Variants in EDA observed in about 807,000 individuals in gnomAD.
The protein encoded by EDA is ectodysplasin A, also known as ectodysplasin-A.
Under a neutral mutation model 23.6 loss-of-function variants are expected in EDA, and 2 were observed. The observed-to-expected ratio is 0.08, with a 90% confidence interval of 0.03 to 0.27. EDA has a LOEUF of 0.27. Among genes scored for constraint, EDA ranks in the 10% least tolerant of loss-of-function variants. The pLI, the probability that EDA is intolerant of heterozygous loss-of-function variation, is 1.00. For missense variants in EDA, 229 were observed against 324.2 expected (o/e 0.71, Z 2.26); for synonymous variants, 131 against 132.0 (o/e 0.99, Z 0.05).
intron 1 of EDA, among the ~76,000 whole-genome samples, chrX:69,641,084 A>G (rs1391770711): frequency 1.8e-5 from 2 of 111,141 alleles, no homozygotes; most frequent in African/African-American, 6.5e-5. Context: ...TAATCGTGAG[A>G]ACAGCTAATA....
intron 1 of EDA, among the ~76,000 whole-genome samples, chrX:69,741,183 A>C (rs1268341633): frequency 3.6e-5 from 4 of 110,890 alleles, no homozygotes; most frequent in African/African-American, 1.3e-4. Flanking sequence ...CAAGTCTAAC[A>C]CCTGAGCTTC....
chrX:69,918,883 GAA>G (rs1430252661), intron 1 of EDA, among the ~76,000 whole-genome samples: 1 of 111,306 alleles, frequency 9.0e-6, no homozygotes, highest in African/African-American at 3.3e-5. Context: ...TAAAACTTGA[GAA>G]ATGGCCACTG....
chrX:69,638,124 G>A (rs951196358), intron 1 of EDA, among the ~76,000 whole-genome samples: 2 of 111,709 alleles, frequency 1.8e-5, no homozygotes, highest in Non-Finnish European at 3.8e-5. Flanking sequence ...TCCTTGCAAA[G>A]ATCAATACAA....
chrX:69,767,945 C>A (rs1451595083), intron 1 of EDA, among the ~76,000 whole-genome samples: 1 of 111,883 alleles, frequency 8.9e-6, no homozygotes, highest in Non-Finnish European at 1.9e-5. Context: ...TTCCTAATGG[C>A]AGATTATATT....
intron 1 of EDA, among the ~76,000 whole-genome samples, chrX:69,825,571 T>C (rs1190280035): frequency 1.8e-5 from 2 of 112,738 alleles, no homozygotes; most frequent in East Asian, 5.5e-4. Context: ...TTATTGCGTC[T>C]ATTTGATTCT....
intron 1 of EDA, among the ~76,000 whole-genome samples, chrX:69,664,350 A>T (rs1933609524): frequency 9.0e-6 from 1 of 111,161 alleles, no homozygotes; most frequent in African/African-American, 3.3e-5. Flanking sequence ...AGATCTGATG[A>T]TTTTATAAAG....
chrX:69,753,594 T>C (rs757948733), intron 1 of EDA, among the ~76,000 whole-genome samples: 7 of 112,049 alleles, frequency 6.2e-5, no homozygotes, highest in Admixed American at 9.5e-5. Context: ...CTATTAGGTC[T>C]GCTTGGTGCA....
At chrX:69,899,018 T>G (rs1196456978) in intron 1 of EDA, among the ~76,000 whole-genome samples, 2 of 112,243 alleles carry the variant, frequency 1.8e-5, no homozygotes, top group Non-Finnish European at 3.8e-5. Context: ...GATTTTTAAG[T>G]GTCATCTTCT....
chrX:69,908,334 C>CTGAT (rs1339984495), intron 1 of EDA, among the ~76,000 whole-genome samples: 3 of 110,589 alleles, frequency 2.7e-5, no homozygotes, highest in African/African-American at 9.8e-5. Flanking sequence ...TAAGAGAAGA[C>CTGAT]TGATAGCAGT....
rs993816925 is a variant in EDA at position 70,035,417 on chromosome X, C to T, written c.984C>T (p.Pro328=). The T allele has an allele frequency of 8.3e-7, 1 of 1,210,326 alleles. No individual in the cohort carries two copies. The highest frequency in any genetic ancestry group is 1.7e-5 in the African/African-American group (1 of 57,572). Residue 328 remains proline, a synonymous_variant, in exon 8 of 8, where the codon CCC becomes CCT. Transcript: ENST00000374552. Reference sequence around the variant, plus strand: ...ATGAGGTGGTGGTGGATGAGAAGCCCTTCCTGCAGTGCACACGCAGCATCG... The same window carrying T: ...ATGAGGTGGTGGTGGATGAGAAGCCTTTCCTGCAGTGCACACGCAGCATCG... ...ASYEVVVDEK[P]FLQCTRSIET...
intron 1 of EDA, among the ~76,000 whole-genome samples, chrX:69,941,373 G>A (rs2018754819): frequency 9.0e-6 from 1 of 111,472 alleles, no homozygotes; most frequent in African/African-American, 3.3e-5. Context: ...AAGTGTTGAA[G>A]TCTCCATCTA....
At chrX:69,895,340 C>T (rs915704276) in intron 1 of EDA, among the ~76,000 whole-genome samples, 1 of 106,638 alleles carries the variant, frequency 9.4e-6, no homozygotes, top group East Asian at 3.0e-4. Context: ...TGGATTTGTA[C>T]GATGCCATCC....
intron 1 of EDA, among the ~76,000 whole-genome samples, chrX:69,648,590 C>T (rs150459554): frequency 1.6e-3 from 184 of 112,281 alleles, no homozygotes; most frequent in African/African-American, 5.3e-3. Flanking sequence ...AGATGGTGGC[C>T]GCCCCTCCCC....
chrX:69,655,122 G>A (rs752610825), intron 1 of EDA, among the ~76,000 whole-genome samples: 1 of 111,969 alleles, frequency 8.9e-6, no homozygotes, highest in South Asian at 3.7e-4. Context: ...TAGGCTGGGC[G>A]CGGTGGCTCA....
chrX:69,618,889 T>C (rs1390340290), intron 1 of EDA, among the ~76,000 whole-genome samples: 1 of 112,376 alleles, frequency 8.9e-6, no homozygotes, highest in East Asian at 2.8e-4. Flanking sequence ...GTTTATCTTA[T>C]CTTGTATATT....
intron 1 of EDA, among the ~76,000 whole-genome samples, chrX:69,727,309 AT>A (rs2012846541): frequency 1.8e-5 from 2 of 112,082 alleles, no homozygotes; most frequent in African/African-American, 6.5e-5. Context: ...AAACGGCAAC[AT>A]TTGAGCATGA....
chrX:69,888,930 TG>T (rs1195306566), intron 1 of EDA, among the ~76,000 whole-genome samples: 1 of 81,574 alleles, frequency 1.2e-5, no homozygotes. Context: ...TTCCATTTTT[TG>T]TGGTATATAC....
At position 70,037,364 on chromosome X, in the gene EDA, G is replaced by C. The variant is rs2020280588; in HGVS notation, c.*1755G>C. ...TGACAGCCTTGCAACCCAAGGTGAGGTGAACTCCAGGCATGTGTCTGGCCC... is the reference window on the plus strand; with the variant it reads ...TGACAGCCTTGCAACCCAAGGTGAGCTGAACTCCAGGCATGTGTCTGGCCC... On this transcript the variant is annotated 3_prime_UTR_variant, in exon 8 of 8. Coordinates refer to ENST00000374552, the MANE Select transcript of EDA (RefSeq NM_001399.5). 1 of 111,929 alleles carries C rather than the reference G, an allele frequency of 8.9e-6. No individual in the cohort carries two copies. Among genetic ancestry groups the C allele is most frequent in the African/African-American group, 3.3e-5 (1 of 30,749 alleles). The allele number at this position is 111,929 out of a possible 1,213,427, so 9.2% of individuals were successfully genotyped here.
intron 1 of EDA, among the ~76,000 whole-genome samples, chrX:69,847,329 G>A (rs1000917714): frequency 1.8e-5 from 2 of 111,319 alleles, no homozygotes; most frequent in African/African-American, 6.5e-5. Flanking sequence ...TTAGCATACA[G>A]TAAAATGTAC....
Sources: gnomAD v4.1 joint callset for allele counts (sites outside exome capture counted in the v4.1 genomes callset) on GRCh38, gnomAD v4.1.1 for gene constraint, MANE v1.5 for transcripts, NCBI Gene and HGNC (gene_info 2026-07-23, HGNC 2026-07-21) for gene names.